LRRC37A2: variants seen among roughly 807,000 people sequenced by gnomAD.
The protein encoded by LRRC37A2 is leucine-rich repeat-containing protein 37A2.
A neutral mutation model predicts 68.8 loss-of-function variants in LRRC37A2; 9 were observed. The observed-to-expected ratio is 0.13, with a 90% confidence interval of 0.08 to 0.23. LRRC37A2 has a LOEUF of 0.23. Ranked by LOEUF, LRRC37A2 falls within the 10% of genes least tolerant of loss-of-function variation. The pLI is 1.00. For missense variants in LRRC37A2, 168 were observed against 950.4 expected, an observed-to-expected ratio of 0.18 and a Z score of 10.82; for synonymous variants, 63 against 367.6, an observed-to-expected ratio of 0.17 and a Z score of 9.48.
the LRRC37A2 span, among the ~76,000 whole-genome samples, chr17:46,610,105 C>CTT: frequency 1.7e-5 from 2 of 115,328 alleles, no homozygotes; most frequent in African/African-American, 6.7e-5. Flanking sequence ...CTCTTTCTCT[C>CTT]TCTCTCTCTC....
the LRRC37A2 span, among the ~76,000 whole-genome samples, chr17:46,717,745 G>A: frequency 6.6e-6 from 1 of 152,186 alleles, no homozygotes; most frequent in South Asian, 2.1e-4. Context: ...CGTTCGGGGA[G>A]TGGGCCTGGT....
At chr17:46,779,103 A>ACACACACCCCC in the LRRC37A2 span, among the ~76,000 whole-genome samples, 4 of 133,656 alleles carry the variant, frequency 3.0e-5, no homozygotes, top group Admixed American at 2.3e-4. Flanking sequence ...ACACACACAC[A>ACACACACCCCC]CCCCAGCCCA....
chr17:46,552,977 C>A (rs2056938951), intron 11 of LRRC37A2, among the ~76,000 whole-genome samples: 1 of 142,224 alleles, frequency 7.0e-6, no homozygotes, highest in African/African-American at 2.8e-5. Flanking sequence ...ATCACTGGAG[C>A]CCAGGAGGTT....
intron 2 of LRRC37A2, among the ~76,000 whole-genome samples, chr17:46,516,155 T>C (rs1302488109): frequency 1.3e-5 from 2 of 149,772 alleles, no homozygotes; most frequent in Non-Finnish European, 2.9e-5. Context: ...AGAAAAAAAT[T>C]AGCCAGGCAT....
chr17:46,994,405 G>C, the LRRC37A2 span, among the ~76,000 whole-genome samples: 1 of 151,844 alleles, frequency 6.6e-6, no homozygotes, highest in African/African-American at 2.4e-5. Flanking sequence ...GAAAAATGCT[G>C]GTGGGGGTTG....
chr17:46,550,949 T>C (rs2056733535), intron 11 of LRRC37A2, among the ~76,000 whole-genome samples: 1 of 149,280 alleles, frequency 6.7e-6, no homozygotes. Flanking sequence ...ACGTATTGTC[T>C]TGTAGACTTA....
chr17:46,923,364 C>A, the LRRC37A2 span: 1 of 1,485,526 alleles, frequency 6.7e-7, no homozygotes, highest in Non-Finnish European at 8.9e-7. Flanking sequence ...CTCCGAAGTG[C>A]TTAATCCTTG....
chr17:46,773,992 C>T, the LRRC37A2 span: 24 of 1,543,578 alleles, frequency 1.6e-5, no homozygotes, highest in South Asian at 1.3e-4. Flanking sequence ...TGTGAACCCT[C>T]CGGGGTAGGT....
chr17:46,800,171 C>T, the LRRC37A2 span, among the ~76,000 whole-genome samples: 7 of 152,078 alleles, frequency 4.6e-5, no homozygotes, highest in South Asian at 4.2e-4. Flanking sequence ...AGTGCAGTGG[C>T]GCGATCTCGG....
At chr17:46,990,874 T>C in the LRRC37A2 span, among the ~76,000 whole-genome samples, 1 of 152,154 alleles carries the variant, frequency 6.6e-6, no homozygotes, top group African/African-American at 2.4e-5. Context: ...TTTCACCATG[T>C]TGTCCAGGCT....
At chr17:46,939,803 G>C in the LRRC37A2 span, 1 of 987,706 alleles carries the variant, frequency 1.0e-6, no homozygotes, top group Non-Finnish European at 1.2e-6. Flanking sequence ...CCCGGATTCA[G>C]GCTGTACTAA....
At chr17:47,031,337 A>G in the LRRC37A2 span, among the ~76,000 whole-genome samples, 1 of 147,986 alleles carries the variant, frequency 6.8e-6, no homozygotes, top group East Asian at 2.0e-4. Flanking sequence ...CCAGGTGGCT[A>G]ACTATCAAAG....
At chr17:46,957,902 G>A in the LRRC37A2 span, among the ~76,000 whole-genome samples, 1 of 152,312 alleles carries the variant, frequency 6.6e-6, no homozygotes, top group East Asian at 1.9e-4. Context: ...CACCCAGGAC[G>A]CTGCAGCAGG....
the LRRC37A2 span, among the ~76,000 whole-genome samples, chr17:46,950,843 T>G: frequency 6.6e-6 from 1 of 152,082 alleles, no homozygotes; most frequent in Non-Finnish European, 1.5e-5. Context: ...CCAGAAGTGG[T>G]CTTGGGGACC....
the LRRC37A2 span, among the ~76,000 whole-genome samples, chr17:47,045,646 CAATA>C: frequency 6.7e-6 from 1 of 148,450 alleles, no homozygotes; most frequent in Non-Finnish European, 1.5e-5. Context: ...TAAGCCACAA[CAATA>C]AATTAATCAA....
At chr17:47,021,536 T>C in the LRRC37A2 span, 1 of 414,438 alleles carries the variant, frequency 2.4e-6, no homozygotes, top group South Asian at 2.4e-5. Flanking sequence ...TACTGATTTG[T>C]AGAAGTCTGT....
At chr17:47,015,245 T>G in the LRRC37A2 span, among the ~76,000 whole-genome samples, 8 of 152,170 alleles carry the variant, frequency 5.3e-5, no homozygotes, top group African/African-American at 1.9e-4. Context: ...TGAGCTCAAG[T>G]GATCCACCCA....
the LRRC37A2 span, among the ~76,000 whole-genome samples, chr17:46,994,762 C>T: frequency 1.3e-5 from 2 of 152,064 alleles, no homozygotes; most frequent in South Asian, 4.2e-4. Context: ...AGCAGACTAA[C>T]CCTACTTTCT....
the LRRC37A2 span, among the ~76,000 whole-genome samples, chr17:46,730,815 C>A: frequency 2.0e-5 from 3 of 152,104 alleles, no homozygotes; most frequent in Non-Finnish European, 1.5e-5. Flanking sequence ...AGGTACTCAA[C>A]ATCATTAGTC....
Sources: gnomAD v4.1 joint callset for allele counts (sites outside exome capture counted in the v4.1 genomes callset) on GRCh38, gnomAD v4.1.1 for gene constraint, MANE v1.5 for transcripts, NCBI Gene and HGNC (gene_info 2026-07-23, HGNC 2026-07-21) for gene names.